Variants in SEC24B observed in about 807,000 individuals in gnomAD.
SEC24B encodes the protein SEC24 homolog B, COPII component, also known as protein transport protein Sec24B.
Under a neutral mutation model 142.8 loss-of-function variants are expected in SEC24B, and 45 were observed. That is an observed-to-expected ratio of 0.32 (90% CI 0.25 to 0.40). The LOEUF is 0.40. Ranked by LOEUF, SEC24B falls within the 10% of genes least tolerant of loss-of-function variation. The probability of loss-of-function intolerance (pLI) is 1.00; values close to 1 mark genes in which losing one functional copy is unlikely to be tolerated. For synonymous variants in SEC24B, 574 were observed against 568.2 expected (o/e 1.01, Z -0.15); for missense variants, 1,409 against 1,526.8 (o/e 0.92, Z 1.29).
At chr4:109,491,193 T>G in intron 4 of SEC24B, 134 bp from the exon 5 acceptor site, 1 of 619,240 alleles carries the variant, frequency 1.6e-6, no homozygotes, top group Non-Finnish European at 2.9e-6. Context: ...TCTCTAGACA[T>G]CAATCATTTT....
At chr4:109,509,461 A>C (rs1055893251) in intron 7 of SEC24B, among the ~76,000 whole-genome samples, 1 of 152,176 alleles carries the variant, frequency 6.6e-6, no homozygotes, top group Non-Finnish European at 1.5e-5. Context: ...ATGGATCACA[A>C]GGTCAGGAGA....
At chr4:109,491,571 T>A (rs1430370785) in intron 5 of SEC24B, among the ~76,000 whole-genome samples, 164 bp downstream of exon 5, 1 of 152,246 alleles carries the variant, frequency 6.6e-6, no homozygotes, top group Non-Finnish European at 1.5e-5. Flanking sequence ...GCGTTGTCAC[T>A]AACAACTATG....
chr4:109,485,616 G>T (rs984475653), intron 4 of SEC24B, among the ~76,000 whole-genome samples: 1 of 152,074 alleles, frequency 6.6e-6, no homozygotes, highest in African/African-American at 2.4e-5. Context: ...TTTGTTGGTT[G>T]CAAATTAAAG....
At chr4:109,452,318 C>T (rs1730192651) in intron 1 of SEC24B, among the ~76,000 whole-genome samples, 1 of 152,164 alleles carries the variant, frequency 6.6e-6, no homozygotes, top group Admixed American at 6.5e-5. Context: ...TTTGTCCCTT[C>T]CTCTGTTATC....
intron 6 of SEC24B, among the ~76,000 whole-genome samples, chr4:109,499,761 T>C (rs1260385438): frequency 6.6e-6 from 1 of 152,254 alleles, no homozygotes; most frequent in Non-Finnish European, 1.5e-5. Flanking sequence ...CATACAGTTA[T>C]GCACAGTACA....
intron 6 of SEC24B, among the ~76,000 whole-genome samples, chr4:109,504,700 A>G (rs900851205): frequency 4.6e-5 from 7 of 152,166 alleles, no homozygotes; most frequent in Non-Finnish European, 8.8e-5. Flanking sequence ...TCATACAATG[A>G]CAGCCTGATC....
intron 22 of SEC24B, among the ~76,000 whole-genome samples, chr4:109,537,793 A>G (rs1579020384): frequency 6.6e-6 from 1 of 152,240 alleles, no homozygotes; most frequent in South Asian, 2.1e-4. Flanking sequence ...CAAAATGGAA[A>G]TGGTTTTTAA....
chr4:109,528,317 T>C (rs1373314860), intron 18 of SEC24B, among the ~76,000 whole-genome samples: 5 of 151,812 alleles, frequency 3.3e-5, no homozygotes, highest in Admixed American at 3.3e-4. Context: ...TCCCAACTAC[T>C]TGGGAGGTTG....
Position 109,539,762 on chromosome 4 carries a change from G to A in SEC24B, c.*87G>A. 1 of 860,438 alleles carries A rather than the reference G, an allele frequency of 1.2e-6. No individual in the cohort carries two copies. The highest frequency in any genetic ancestry group is 1.5e-5 in the South Asian group (1 of 65,834). 53.3% of individuals were successfully genotyped at this position (860,438 alleles called of 1,614,324 possible). A position where few individuals can be genotyped will look rare whatever the true frequency, so the allele number is the denominator to read the frequency against. ...AAGCGCGTGAGAAATTTGAAATGAA[G>A]GCATTTGTTAATACAAGATGCAACG... On this transcript the variant is annotated 3_prime_UTR_variant, in exon 24 of 24. Transcript: ENST00000265175.
chr4:109,477,669 A>G (rs1379872315), intron 3 of SEC24B, among the ~76,000 whole-genome samples: 1 of 152,112 alleles, frequency 6.6e-6, no homozygotes, highest in Non-Finnish European at 1.5e-5. Context: ...AAGCTATGAT[A>G]CAGGCCATTT....
intron 1 of SEC24B, among the ~76,000 whole-genome samples, chr4:109,456,018 A>G (rs1249991637): frequency 1.3e-5 from 2 of 152,212 alleles, no homozygotes; most frequent in East Asian, 1.9e-4. Context: ...TGAACACAGT[A>G]TGTCATTCCA....
chr4:109,538,666 A>C, intron 23 of SEC24B, 70 bp downstream of exon 23: 1 of 925,582 alleles, frequency 1.1e-6, no homozygotes, highest in African/African-American at 1.6e-5. Context: ...TTGTCTTCAA[A>C]GCAAACTTTA....
intron 1 of SEC24B, among the ~76,000 whole-genome samples, chr4:109,457,661 C>T (rs985689933): frequency 2.0e-5 from 3 of 152,030 alleles, no homozygotes; most frequent in African/African-American, 7.2e-5. Flanking sequence ...AGCAGTCATG[C>T]TCCTTCTGTA....
intron 3 of SEC24B, 136 bp downstream of exon 3, chr4:109,473,322 T>C (rs1353803390): frequency 6.0e-6 from 3 of 503,494 alleles, no homozygotes; most frequent in Admixed American, 4.2e-5. Context: ...CATATATGTT[T>C]TACATAATTA....
rs571902581 is a variant in SEC24B at position 109,496,355 on chromosome 4, C to T, written c.1488+1499C>T. 4.9e-3 allele frequency among the ~76,000 whole-genome samples: 751 copies of T among 152,162 alleles called. 5 individuals carry two copies. Among genetic ancestry groups the T allele is most frequent in the Non-Finnish European group, 8.1e-3 (553 of 68,002 alleles). ...CTTGAACTCCTGACCTCAAGTGATC[C>T]GCCTGCCTCGGCCTCCCAAAGTGTG... On this transcript the variant is annotated intron_variant, in intron 6 of 23. Transcript: ENST00000265175.
At chr4:109,466,457 C>G (rs1731878628) in intron 2 of SEC24B, among the ~76,000 whole-genome samples, 1 of 152,244 alleles carries the variant, frequency 6.6e-6, no homozygotes, top group Admixed American at 6.5e-5. Flanking sequence ...GTCACCCAGG[C>G]TGGAGTGCAG....
In SEC24B at chr4:109,527,329, G is replaced by A; in HGVS notation, c.2973G>A (p.Arg991=). The A allele has an allele frequency of 6.3e-7, 1 of 1,599,924 alleles. No homozygotes were observed. The highest frequency in any genetic ancestry group is 8.5e-7 in the Non-Finnish European group (1 of 1,173,104). ...CAATGACTTTTTTTTTAGGTGAGCG[G>A]AGAATTAGAGTACATACACTTTGTT... The part of the protein sequence containing the change: ...ALLYTSSKGE[R]RIRVHTLCLP... The change falls in exon 18 of 24, where the codon CGG becomes CGA. Residue 991 remains arginine, a synonymous_variant. Coordinates refer to ENST00000265175, the MANE Select transcript of SEC24B (RefSeq NM_006323.5).
At chr4:109,435,274 T>C (rs1162675324) in intron 1 of SEC24B, among the ~76,000 whole-genome samples, 1 of 152,246 alleles carries the variant, frequency 6.6e-6, no homozygotes, top group Non-Finnish European at 1.5e-5. Context: ...GTACTCTCAG[T>C]AGTCATTGTT....
At chr4:109,506,918 A>T (rs1033563500) in intron 7 of SEC24B, among the ~76,000 whole-genome samples, 3 of 152,178 alleles carry the variant, frequency 2.0e-5, no homozygotes, top group Admixed American at 6.5e-5. Context: ...TCTCAAGAAC[A>T]GGTTTAGATA....
Sources: allele counts gnomAD v4.1 joint callset (sites outside exome capture counted in the v4.1 genomes callset), GRCh38; gene constraint gnomAD v4.1.1; transcripts MANE v1.5; gene names NCBI Gene and HGNC (gene_info 2026-07-23, HGNC 2026-07-21).